The following MAN1B1 variants were observed in gnomAD, a reference collection of about 807,000 sequenced individuals.
MAN1B1 encodes the protein endoplasmic reticulum mannosyl-oligosaccharide 1,2-alpha-mannosidase.
Under a neutral mutation model 75.5 loss-of-function variants are expected in MAN1B1, and 66 were observed. The ratio of observed to expected loss-of-function variants is 0.87; its 90% CI spans 0.72 to 1.07. MAN1B1 has a LOEUF of 1.07. MAN1B1 is among the 50% of genes least tolerant of loss of function. The pLI is 0.00. For synonymous variants in MAN1B1, 453 were observed against 382.8 expected (o/e 1.18, Z -2.14); for missense variants, 973 against 912.5 (o/e 1.07, Z -0.85).
At position 137,096,195 on chromosome 9, in the gene MAN1B1, G is replaced by A. The variant is rs1473277521; in HGVS notation, c.466-42G>A. ...CCATAGAGGGAAAGAAGGGCAGCTC[G>A]CAGACACCCCGTGATTTCCTGTGTG... On this transcript the variant is annotated intron_variant, in intron 3 of 12. Transcript: ENST00000371589. 5.6e-6 allele frequency: 9 copies of A among 1,612,224 alleles called. No individual in the cohort carries two copies. The East Asian group carries it at 6.7e-5, about 12-fold the overall frequency.
rs766535395 is a variant in MAN1B1, at chr9:137,096,369, G to A, written c.598G>A (p.Asp200Asn). 6.2e-7 allele frequency: 1 copy of A among 1,613,804 alleles called. No individual in the cohort carries two copies. The highest frequency in any genetic ancestry group is 1.7e-5 in the Admixed American group (1 of 60,016). ...EAPVDPRPEG[D>N]PQRTVISWRG... ...CCCTGTGGATCCCCGCCCGGAAGGA[G>A]ATCCGCAGAGGACAGTCATCAGGTA... Residue 200 changes from aspartate to asparagine, a missense_variant, in exon 4 of 13, where the codon GAT becomes AAT. Asp to Asn is a conservative substitution (Grantham distance 23, BLOSUM62 1). Transcript: ENST00000371589.
At chr9:137,101,762 C>T (rs1830820582) in intron 8 of MAN1B1, 90 bp downstream of exon 8, 1 of 1,411,618 alleles carries the variant, frequency 7.1e-7, no homozygotes, top group Non-Finnish European at 9.8e-7. Flanking sequence ...TGTGTATGTG[C>T]ATGTGTGTTT....
intron 3 of MAN1B1, among the ~76,000 whole-genome samples, chr9:137,091,543 T>C (rs1473950558): frequency 1.3e-5 from 2 of 148,960 alleles, no homozygotes; most frequent in Admixed American, 1.3e-4. Flanking sequence ...TTTTTTTTTT[T>C]TGAGACAGAG....
rs1302924244 is a variant in MAN1B1, at chr9:137,108,372, C to G, written c.1897-16C>G. ...GGTGCCCCCCGTGTGGTGACGAGGC[C>G]CTGGCTGCTGCACAGGTCCCCTCGG... On this transcript the variant is annotated splice_polypyrimidine_tract_variant and intron_variant, in intron 12 of 12. Coordinates refer to ENST00000371589, the MANE Select transcript of MAN1B1 (RefSeq NM_016219.5). 1 of 1,612,258 alleles carries G rather than the reference C, an allele frequency of 6.2e-7. No homozygotes were observed. Among genetic ancestry groups the G allele is most frequent in the Admixed American group, 1.7e-5 (1 of 60,012 alleles).
intron 2 of MAN1B1, 130 bp downstream of exon 2, chr9:137,088,313 A>G (rs554947762): frequency 1.9e-6 from 3 of 1,606,944 alleles, no homozygotes; most frequent in Middle Eastern, 1.7e-4. Context: ...AATCAAGATA[A>G]AGAGAAAGGT....
intron 1 of MAN1B1, 57 bp from the exon 2 acceptor site, chr9:137,088,018 T>G: frequency 3.3e-5 from 43 of 1,289,110 alleles, no homozygotes; most frequent in Non-Finnish European, 4.5e-5. Flanking sequence ...TTGTGACAGT[T>G]GAGACGTTCC....
At chr9:137,108,008 A>G in intron 12 of MAN1B1, 1 of 618,646 alleles carries the variant, frequency 1.6e-6, no homozygotes. Context: ...ACTGTGGACC[A>G]GGCCCTGTTT....
intron 3 of MAN1B1, chr9:137,094,577 TA>T (rs376957524): frequency 2.5e-3 from 392 of 157,488 alleles, no homozygotes; most frequent in South Asian, 0.012. Context: ...CCATCTCTAT[TA>T]AAAAAAAAAA....
intron 5 of MAN1B1, 77 bp from the exon 6 acceptor site, chr9:137,099,619 G>A (rs1830749884): frequency 8.0e-6 from 12 of 1,500,308 alleles, no homozygotes; most frequent in Non-Finnish European, 1.1e-5. Context: ...TCACAGCAGT[G>A]CTCTGCCTGA....
chr9:137,097,664 GACTGA>G (rs1830689584), intron 4 of MAN1B1, among the ~76,000 whole-genome samples, 159 bp from the exon 5 acceptor site: 1 of 152,224 alleles, frequency 6.6e-6, no homozygotes, highest in Non-Finnish European at 1.5e-5. Context: ...GGGAGCTCAG[GACTGA>G]ACTGTGTGTT....
rs1047335920 is a variant in MAN1B1, at chr9:137,108,144, C to T, written c.1897-244C>T. The T allele has an allele frequency of 1.3e-5, 8 of 612,094 alleles. No homozygotes were observed. In the African/African-American group the frequency reaches 1.5e-4, roughly 11 times the overall value. 37.9% of individuals were successfully genotyped at this position (612,094 alleles called of 1,614,324 possible). A position where few individuals can be genotyped will look rare whatever the true frequency, so the allele number is the denominator to read the frequency against. On this transcript the variant is annotated intron_variant, in intron 12 of 12. Transcript: ENST00000371589. The stretch of plus-strand genomic sequence containing the variant: ...GTGCCCTGTGCGGCAACTGTGAGGC[C>T]CCCTGAGCCCAGGTTCTGGGGGAGG...
rs115335100 is a variant in MAN1B1 at position 137,088,887 on chromosome 9, A to G, written c.347A>G (p.Glu116Gly). 3.0e-3 allele frequency: 4,776 copies of G among 1,614,006 alleles called. 47 individuals carry two copies. Among genetic ancestry groups the G allele is most frequent in the African/African-American group, 0.025 (1,874 of 75,052 alleles). ...DHWKALAFRL[E>G]EEQKMRPEIA... ...TATTCAGCTCTGGCTTTCAGGCTAG[A>G]GGAAGAGCAGAAGATGAGGCCAGAA... The change falls in exon 3 of 13, where the codon GAG becomes GGG. Residue 116 changes from glutamate to glycine, a missense_variant. Transcript: ENST00000371589.
chr9:137,087,999 C>A, intron 1 of MAN1B1, 76 bp from the exon 2 acceptor site: 1 of 1,133,168 alleles, frequency 8.8e-7, no homozygotes, highest in Non-Finnish European at 1.3e-6. Flanking sequence ...TCCTTATTGT[C>A]CTCACAGTTT....
chr9:137,107,713 C>T (rs753881323), intron 12 of MAN1B1, 51 bp downstream of exon 12: 24 of 1,610,066 alleles, frequency 1.5e-5, no homozygotes, highest in Middle Eastern at 1.6e-4. Context: ...GCCACAGGCA[C>T]GGCTGGGCTG....
intron 8 of MAN1B1, chr9:137,104,702 G>C (rs1053914528): frequency 6.2e-6 from 1 of 160,002 alleles, no homozygotes; most frequent in Non-Finnish European, 1.4e-5. Flanking sequence ...TTTGGTTGCT[G>C]TAAGCGCGGG....
chr9:137,103,069 A>C (rs905270741), intron 8 of MAN1B1: 1 of 160,744 alleles, frequency 6.2e-6, no homozygotes, highest in African/African-American at 1.7e-4. Context: ...TTGGTGTTAC[A>C]CACATTCACA....
Position 137,087,059 on chromosome 9 carries a change from G to A in MAN1B1, c.60G>A (p.Leu20=). 1 of 1,604,208 alleles carries A rather than the reference G, an allele frequency of 6.2e-7. No individual in the cohort carries two copies. The highest frequency in any genetic ancestry group is 8.5e-7 in the Non-Finnish European group (1 of 1,177,038). The stretch of plus-strand genomic sequence containing the variant: ...TCGGTTCCTCTCAGTCGGACTTCCT[G>A]ACGCCGCCAGTGGGCGGGGCCCCTT... ...GALGSSQSDF[L]TPPVGGAPWA... is the part of the protein sequence containing the mutation. The change falls in exon 1 of 13, where the codon CTG becomes CTA. Residue 20 remains leucine, a synonymous_variant. Coordinates refer to ENST00000371589, the MANE Select transcript of MAN1B1 (RefSeq NM_016219.5).
At chr9:137,105,889 A>T in intron 8 of MAN1B1, 1 of 671,416 alleles carries the variant, frequency 1.5e-6, no homozygotes, top group South Asian at 1.5e-5. Context: ...CTCTGTGGTG[A>T]CCACCCGTTG....
In MAN1B1 at chr9:137,096,219, T is replaced by C. The variant is rs1351248313; in HGVS notation, c.466-18T>C. ...CGCAGACACCCCGTGATTTCCTGTG[T>C]GACCAATTTCTCTACAGAAGACACA... On this transcript the variant is annotated intron_variant, in intron 3 of 12. Coordinates refer to ENST00000371589, the MANE Select transcript of MAN1B1 (RefSeq NM_016219.5). 1 of 1,614,084 alleles carries C rather than the reference T, an allele frequency of 6.2e-7. No individual in the cohort carries two copies. Among genetic ancestry groups the C allele is most frequent in the Non-Finnish European group, 8.5e-7 (1 of 1,180,006 alleles).
Sources: gnomAD v4.1 joint callset for allele counts (sites outside exome capture counted in the v4.1 genomes callset) on GRCh38, gnomAD v4.1.1 for gene constraint, MANE v1.5 for transcripts, NCBI Gene and HGNC (gene_info 2026-07-23, HGNC 2026-07-21) for gene names.